PLAUR: variants seen among roughly 807,000 people sequenced by gnomAD.
PLAUR encodes urokinase plasminogen activator surface receptor.
Under a neutral mutation model 33.4 loss-of-function variants are expected in PLAUR, and 22 were observed. That is an observed-to-expected ratio of 0.66 (90% CI 0.47 to 0.94). The LOEUF (loss-of-function observed/expected upper bound fraction) is 0.94. Among genes scored for constraint, PLAUR ranks in the 40% least tolerant of loss-of-function variants. The pLI is 0.00. For missense variants in PLAUR, 408 were observed against 434.7 expected (o/e 0.94, Z 0.55); for synonymous variants, 148 against 167.3 (o/e 0.88, Z 0.89).
intron 1 of PLAUR, among the ~76,000 whole-genome samples, chr19:43,668,990 C>CTCCGGGCCTTCCCGGACA (rs995088913): frequency 2.6e-5 from 4 of 152,218 alleles, no homozygotes; most frequent in African/African-American, 9.6e-5. Context: ...GGTCCCCGAC[C>CTCCGGGCCTTCCCGGACA]TCCGGGCCTT....
rs1457585273 is a variant in PLAUR, at chr19:43,670,137, C to T, written c.-17G>A. The T allele has an allele frequency of 1.2e-6, 2 of 1,608,586 alleles. No homozygotes were observed. Among genetic ancestry groups the T allele is most frequent in the Admixed American group, 3.3e-5 (2 of 59,878 alleles). ...GTGACCCATGTCGCGAGGGCAGCTC[C>T]TGTGCGCGGGGTCCCTGCACGTCTT... On this transcript the variant is annotated 5_prime_UTR_variant, in exon 1 of 7. Transcript: ENST00000340093.
rs1238490776 is a variant in PLAUR, at chr19:43,648,837, A to G, written c.*53T>C. ...AGTCTGTAGGGCTGGGAGCCGAGGGAAGGGCAAAGGGGTCCCCCGGATCCA... is the reference window on the plus strand; with the variant it reads ...AGTCTGTAGGGCTGGGAGCCGAGGGGAGGGCAAAGGGGTCCCCCGGATCCA... On this transcript the variant is annotated 3_prime_UTR_variant, in exon 7 of 7. Transcript: ENST00000340093. 16 of 1,565,816 alleles carry G rather than the reference A, an allele frequency of 1.0e-5. No individual in the cohort carries two copies. The highest frequency in any genetic ancestry group is 2.7e-5 in the African/African-American group (2 of 74,062).
At chr19:43,661,906 C>T (rs986775002) in intron 3 of PLAUR, among the ~76,000 whole-genome samples, 2 of 152,062 alleles carry the variant, frequency 1.3e-5, no homozygotes, top group African/African-American at 4.8e-5. Context: ...CAGGGTTTTG[C>T]TCTGCCGCCT....
Position 43,648,878 on chromosome 19 carries a change from G to A in PLAUR, c.*12C>T, listed in dbSNP as rs1298273700. 2 of 1,606,812 alleles carry A rather than the reference G, an allele frequency of 1.2e-6. No homozygotes were observed. Among genetic ancestry groups the A allele is most frequent in the African/African-American group, 1.3e-5 (1 of 74,812 alleles). On this transcript the variant is annotated 3_prime_UTR_variant, in exon 7 of 7. Coordinates refer to ENST00000340093, the MANE Select transcript of PLAUR (RefSeq NM_002659.4). ...CCCGGATCCAGCCAGGGCAGAGAGG[G>A]GGATTTCAGGTTTAGGTCCAGAGGA...
chr19:43,652,590 G>A (rs1011635643), intron 5 of PLAUR, among the ~76,000 whole-genome samples: 4 of 152,108 alleles, frequency 2.6e-5, no homozygotes, highest in African/African-American at 7.2e-5. Context: ...GCCAGGCACC[G>A]TGCTGGGTGC....
intron 3 of PLAUR, among the ~76,000 whole-genome samples, chr19:43,664,663 C>T (rs1215994515): frequency 6.6e-6 from 1 of 152,182 alleles, no homozygotes; most frequent in Non-Finnish European, 1.5e-5. Flanking sequence ...CAGAGACCAT[C>T]TATTGCAGAG....
chr19:43,647,041 A>C (rs1973837086), downstream of PLAUR, among the ~76,000 whole-genome samples: 1 of 152,078 alleles, frequency 6.6e-6, no homozygotes, highest in Non-Finnish European at 1.5e-5. Flanking sequence ...CGGCCTCCCA[A>C]AGTGCTGGGA....
chr19:43,649,753 AAAG>A (rs933044910), intron 6 of PLAUR, among the ~76,000 whole-genome samples: 5 of 152,072 alleles, frequency 3.3e-5, no homozygotes, highest in Admixed American at 1.3e-4. Flanking sequence ...AAAGAAAAAA[AAAG>A]AAAGAAAGGA....
At chr19:43,668,011 G>T (rs1412207090) in intron 1 of PLAUR, 1 of 1,166,668 alleles carries the variant, frequency 8.6e-7, no homozygotes, top group South Asian at 2.1e-5. Flanking sequence ...CTATCAGTAC[G>T]TTCTATTCCT....
chr19:43,649,112 G>C lies in PLAUR; in HGVS notation c.786C>G (p.Gly262=). 1 of 1,613,610 alleles carries C rather than the reference G, an allele frequency of 6.2e-7. No individual in the cohort carries two copies. Residue 262 remains glycine (G), a synonymous_variant, in exon 7 of 7, where the codon GGC becomes GGG. Coordinates refer to ENST00000340093, the MANE Select transcript of PLAUR (RefSeq NM_002659.4). ...GTTGGCACATTGAGGCGGTTGCACA[G>C]CCTCTTACCATATAGCTTTGGTTTT... The part of the protein sequence containing the change: ...EPKNQSYMVR[G]CATASMCQHA...
At chr19:43,653,417 G>C (rs1974077553) in intron 5 of PLAUR, among the ~76,000 whole-genome samples, 1 of 152,196 alleles carries the variant, frequency 6.6e-6, no homozygotes, top group African/African-American at 2.4e-5. Flanking sequence ...TTGCCAGCAG[G>C]GTGAACTCTT....
chr19:43,665,054 C>T (rs1002278049), intron 3 of PLAUR: 1 of 503,084 alleles, frequency 2.0e-6, no homozygotes, highest in South Asian at 2.5e-5. Context: ...TGGAACAGGG[C>T]TGGGTTTGAG....
chr19:43,655,824 C>T (rs369283292), intron 4 of PLAUR, among the ~76,000 whole-genome samples: 2 of 152,148 alleles, frequency 1.3e-5, no homozygotes, highest in African/African-American at 2.4e-5. Flanking sequence ...AAAGGAGAAC[C>T]CTTACAAAAG....
Position 43,649,062 on chromosome 19 carries a change from C to G in PLAUR, c.836G>C (p.Ser279Thr). The G allele has an allele frequency of 6.2e-7, 1 of 1,614,180 alleles. No individual in the cohort carries two copies. Among genetic ancestry groups the G allele is most frequent in the Non-Finnish European group, 8.5e-7 (1 of 1,180,022 alleles). ...CQHAHLGDAF[S>T]MNHIDVSCCT... The stretch of plus-strand genomic sequence containing the variant: ...GCAGGAGACATCAATGTGGTTCATG[C>G]TGAAGGCGTCACCCAGGTGGGCATG... The change falls in exon 7 of 7, where the codon AGC (serine) becomes ACC (threonine). Residue 279 changes from serine (S) to threonine (T), a missense_variant. Ser to Thr is a moderately conservative substitution (Grantham distance 58). Transcript: ENST00000340093.
downstream of PLAUR, among the ~76,000 whole-genome samples, chr19:43,648,131 T>G (rs1973854919): frequency 6.6e-6 from 1 of 152,038 alleles, no homozygotes; most frequent in Non-Finnish European, 1.5e-5. Context: ...GGAATGTTTC[T>G]GGTTATGCTG....
At chr19:43,647,269 A>G (rs1973840494), downstream of PLAUR, among the ~76,000 whole-genome samples, 1 of 152,152 alleles carries the variant, frequency 6.6e-6, no homozygotes, top group Non-Finnish European at 1.5e-5. Context: ...AATAGAGCCC[A>G]GCCTTTATCC....
intron 6 of PLAUR, among the ~76,000 whole-genome samples, chr19:43,649,935 C>A (rs1225231549): frequency 6.6e-6 from 1 of 151,524 alleles, no homozygotes; most frequent in Non-Finnish European, 1.5e-5. Flanking sequence ...CATGAGGACC[C>A]AGCTGTCTTC....
chr19:43,668,036 T>C (rs344783), intron 1 of PLAUR: 572,311 of 1,077,484 alleles, frequency 0.53, 152,892 homozygotes, highest in African/African-American at 0.57. Context: ...CTATTAGGTC[T>C]TTCTCACCGC....
At position 43,658,585 on chromosome 19, in the gene PLAUR, C is replaced by T. The variant is rs552758595; in HGVS notation, c.311-1945G>A. ...ACCTTGTGGTGTTGGCCAACTGGAT[C>T]CGTTACTTTTCCCTGGAAACACCAG... On this transcript the variant is annotated intron_variant, in intron 3 of 6. Transcript: ENST00000340093. 1.1e-4 allele frequency among the ~76,000 whole-genome samples: 16 copies of T among 152,306 alleles called. No individual in the cohort carries two copies. The East Asian group carries it at 2.9e-3, about 28-fold the overall frequency.
Sources: allele counts gnomAD v4.1 joint callset (sites outside exome capture counted in the v4.1 genomes callset), GRCh38; gene constraint gnomAD v4.1.1; transcripts MANE v1.5; gene names NCBI Gene and HGNC (gene_info 2026-07-23, HGNC 2026-07-21).